The following PDLIM5 variants were observed in gnomAD, a reference collection of about 807,000 sequenced individuals.
The protein encoded by PDLIM5 is PDZ and LIM domain protein 5.
A neutral mutation model predicts 64.2 loss-of-function variants in PDLIM5; 34 were observed. The ratio of observed to expected loss-of-function variants is 0.53; its 90% CI spans 0.40 to 0.71. The LOEUF is 0.71. PDLIM5 is among the 30% of genes least tolerant of loss of function. The pLI is 0.00. For synonymous variants in PDLIM5, 253 were observed against 269.1 expected (o/e 0.94, Z 0.59); for missense variants, 683 against 733.6 (o/e 0.93, Z 0.80).
intron 9 of PDLIM5, among the ~76,000 whole-genome samples, chr4:94,652,202 T>A (rs1309347257): frequency 6.6e-6 from 1 of 152,216 alleles, no homozygotes; most frequent in Admixed American, 6.5e-5. Flanking sequence ...TTGGATTGAC[T>A]TCTTTGAAAA....
At chr4:94,530,402 AAGGT>A (rs904536147) in intron 3 of PDLIM5, among the ~76,000 whole-genome samples, 11 of 152,014 alleles carry the variant, frequency 7.2e-5, no homozygotes, top group African/African-American at 2.7e-4. Context: ...TTTAAGGTGA[AAGGT>A]AGGTCAGATG....
At chr4:94,481,903 C>A (rs1371479871) in intron 2 of PDLIM5, among the ~76,000 whole-genome samples, 2 of 152,108 alleles carry the variant, frequency 1.3e-5, no homozygotes, top group Non-Finnish European at 2.9e-5. Flanking sequence ...GCCACCGTGG[C>A]CCATTATTCC....
At chr4:94,523,976 C>A (rs1331243412) in intron 3 of PDLIM5, 101 bp downstream of exon 3, 2 of 757,370 alleles carry the variant, frequency 2.6e-6, no homozygotes, top group Non-Finnish European at 2.2e-6. Context: ...GTTTCTGCTA[C>A]CATCATTTCA....
intron 3 of PDLIM5, among the ~76,000 whole-genome samples, chr4:94,556,894 G>A (rs1308063391): frequency 2.0e-5 from 3 of 151,974 alleles, no homozygotes; most frequent in African/African-American, 7.3e-5. Flanking sequence ...TGCTGTGCAG[G>A]AGCTCTTTAG....
At chr4:94,653,278 T>C (rs1209554084) in intron 9 of PDLIM5, among the ~76,000 whole-genome samples, 2 of 152,170 alleles carry the variant, frequency 1.3e-5, no homozygotes, top group African/African-American at 2.4e-5. Context: ...CCTTGGCTTC[T>C]CCATCTGTTA....
At chr4:94,619,183 T>A (rs902932590) in intron 8 of PDLIM5, among the ~76,000 whole-genome samples, 1 of 152,132 alleles carries the variant, frequency 6.6e-6, no homozygotes, top group Admixed American at 6.5e-5. Flanking sequence ...TAACATCTAA[T>A]GGTTTTACTT....
intron 2 of PDLIM5, chr4:94,456,265 C>G: frequency 2.0e-6 from 1 of 492,252 alleles, no homozygotes; most frequent in South Asian, 2.5e-5. Flanking sequence ...GTGGCGCAAT[C>G]TCGGCTCACC....
intron 2 of PDLIM5, among the ~76,000 whole-genome samples, chr4:94,491,956 C>CT (rs1476793107): frequency 2.0e-5 from 3 of 151,818 alleles, no homozygotes; most frequent in Non-Finnish European, 2.9e-5. Context: ...TTATTATTGA[C>CT]TGTAGTCATC....
At chr4:94,527,689 C>T (rs1325813846) in intron 3 of PDLIM5, among the ~76,000 whole-genome samples, 1 of 152,202 alleles carries the variant, frequency 6.6e-6, no homozygotes, top group Non-Finnish European at 1.5e-5. Flanking sequence ...TCCAGCTTCA[C>T]TTGATCCAGC....
intron 3 of PDLIM5, among the ~76,000 whole-genome samples, chr4:94,560,742 T>G (rs1288866890): frequency 6.6e-6 from 1 of 152,168 alleles, no homozygotes; most frequent in Non-Finnish European, 1.5e-5. Context: ...TGTTTTGTTT[T>G]GTTTTGAGAC....
rs1446212130 is a variant in PDLIM5 at position 94,663,988 on chromosome 4, A to G, written c.1712A>G (p.Glu571Gly). Residue 571 changes from glutamate to glycine, a missense_variant, in exon 13 of 13, where the codon GAA becomes GGA. Glu to Gly is a moderately conservative substitution (Grantham distance 98, BLOSUM62 -2). Transcript: ENST00000317968. ...DTCFVCSVCC[E>G]SLEGQTFFSK... The stretch of plus-strand genomic sequence containing the variant: ...CTGCTTCTTTTTCAGGTGTGTTGTG[A>G]AAGTTTGGAAGGTCAGACCTTTTTC... The G allele has an allele frequency of 1.2e-6, 2 of 1,601,908 alleles. No homozygotes were observed. The highest frequency in any genetic ancestry group is 1.7e-6 in the Non-Finnish European group (2 of 1,170,688).
intron 9 of PDLIM5, among the ~76,000 whole-genome samples, chr4:94,642,122 T>C (rs1313436964): frequency 2.0e-5 from 3 of 152,232 alleles, no homozygotes; most frequent in Non-Finnish European, 2.9e-5. Context: ...ACATTGCTTC[T>C]GTAAGTTACA....
rs1678761163 is a variant in PDLIM5 at position 94,665,056 on chromosome 4, A to G, written c.*989A>G. ...AAGTCTCAAATTTTTGCCTTTTACT[A>G]AAATGTGATTGTTTCTATTCATTGT... On this transcript the variant is annotated 3_prime_UTR_variant, in exon 13 of 13. Transcript: ENST00000317968. 6.1e-6 allele frequency: 6 copies of G among 978,344 alleles called. No individual in the cohort carries two copies. The South Asian group carries it at 2.8e-4, about 46-fold the overall frequency. 60.6% of individuals were successfully genotyped at this position (978,344 alleles called of 1,614,324 possible). A position where few individuals can be genotyped will look rare whatever the true frequency, so the allele number is the denominator to read the frequency against.
chr4:94,453,122 A>G (rs1169825341), intron 1 of PDLIM5, among the ~76,000 whole-genome samples: 1 of 152,166 alleles, frequency 6.6e-6, no homozygotes, highest in Non-Finnish European at 1.5e-5. Flanking sequence ...GAGCAAAGAC[A>G]TTGTTTAGAC....
chr4:94,547,329 C>T (rs997879841), intron 3 of PDLIM5, among the ~76,000 whole-genome samples: 13 of 152,078 alleles, frequency 8.5e-5, no homozygotes, highest in African/African-American at 2.9e-4. Context: ...ATTTCTCTTG[C>T]GATTTCCAGT....
intron 1 of PDLIM5, among the ~76,000 whole-genome samples, chr4:94,453,896 C>A (rs1185586897): frequency 6.6e-6 from 1 of 152,106 alleles, no homozygotes; most frequent in East Asian, 1.9e-4. Flanking sequence ...ACTACCACGC[C>A]AGTAGAAAAG....
At chr4:94,480,875 C>T (rs1470822942) in intron 2 of PDLIM5, among the ~76,000 whole-genome samples, 1 of 152,162 alleles carries the variant, frequency 6.6e-6, no homozygotes, top group Non-Finnish European at 1.5e-5. Flanking sequence ...CAAAACTGAT[C>T]GTATTAGTCC....
intron 3 of PDLIM5, among the ~76,000 whole-genome samples, chr4:94,544,562 G>A (rs960104791): frequency 1.3e-5 from 2 of 152,162 alleles, no homozygotes; most frequent in African/African-American, 4.8e-5. Flanking sequence ...TTATGACTAG[G>A]AGCTGCGCAT....
At chr4:94,560,023 T>C (rs1220726121) in intron 3 of PDLIM5, among the ~76,000 whole-genome samples, 3 of 152,238 alleles carry the variant, frequency 2.0e-5, no homozygotes, top group Admixed American at 1.3e-4. Flanking sequence ...GTTTCTTATC[T>C]ATGTGGACTC....
Sources: gnomAD v4.1 joint callset for allele counts (sites outside exome capture counted in the v4.1 genomes callset) on GRCh38, gnomAD v4.1.1 for gene constraint, MANE v1.5 for transcripts, NCBI Gene and HGNC (gene_info 2026-07-23, HGNC 2026-07-21) for gene names.